The following ATP6V1C1 variants were observed in gnomAD, a reference collection of about 807,000 sequenced individuals.
ATP6V1C1 encodes V-type proton ATPase subunit C 1.
Under a neutral mutation model 53.9 loss-of-function variants are expected in ATP6V1C1, and 45 were observed. The observed-to-expected ratio is 0.83, with a 90% CI of 0.66 to 1.07. The LOEUF is 1.07. ATP6V1C1 is among the 50% of genes least tolerant of loss of function. The probability of loss-of-function intolerance (pLI) is 0.00; values close to 1 mark genes in which losing one functional copy is unlikely to be tolerated. For missense variants in ATP6V1C1, 315 were observed against 440.3 expected, an observed-to-expected ratio of 0.72 and a Z score of 2.55; for synonymous variants, 153 against 155.2, an observed-to-expected ratio of 0.99 and a Z score of 0.11.
intron 2 of ATP6V1C1, 83 bp downstream of exon 2, chr8:103,041,051 C>T (rs1294713425): frequency 2.8e-6 from 4 of 1,419,482 alleles, no homozygotes; most frequent in Admixed American, 4.9e-5. Context: ...AATGAGATAC[C>T]CAGGTTCCTT....
chr8:103,050,985 G>C, intron 4 of ATP6V1C1, 65 bp from the exon 5 acceptor site: 1 of 1,070,412 alleles, frequency 9.3e-7, no homozygotes, highest in Non-Finnish European at 1.4e-6. Flanking sequence ...AAAATATATC[G>C]CTGTGTAAAA....
Position 103,072,428 on chromosome 8 carries a change from C to T in ATP6V1C1, c.*3681C>T, listed in dbSNP as rs556955719. 5.3e-5 allele frequency: 8 copies of T among 152,232 alleles called. No homozygotes were observed. The East Asian group carries it at 1.5e-3, about 29-fold the overall frequency. 9.4% of individuals were successfully genotyped at this position (152,232 alleles called of 1,614,324 possible). A position where few individuals can be genotyped will look rare whatever the true frequency, so the allele number is the denominator to read the frequency against. Reference sequence around the variant, plus strand: ...GAACAGCTTATAATGAAAACCTTGCCTGCCTTTATAAAAAATGTGATTATC... The same window carrying T: ...GAACAGCTTATAATGAAAACCTTGCTTGCCTTTATAAAAAATGTGATTATC... On this transcript the variant is annotated 3_prime_UTR_variant, in exon 13 of 13. Transcript: ENST00000518738.
chr8:103,057,924 A>T (rs1817318717), intron 8 of ATP6V1C1, among the ~76,000 whole-genome samples: 1 of 152,060 alleles, frequency 6.6e-6, no homozygotes, highest in Admixed American at 6.6e-5. Context: ...TTGATGGCTC[A>T]CTTAGGCTGT....
rs569863481 is a variant in ATP6V1C1 at position 103,059,664 on chromosome 8, CT to C, written c.642-3290del. 3.3e-5 allele frequency among the ~76,000 whole-genome samples: 5 copies of C among 152,172 alleles called. No homozygotes were observed. In the South Asian group the frequency reaches 1.0e-3, roughly 32 times the overall value. ...ACAATTTCATAGGGTTAAATCTACTCTCCCCACTCCCCCAAGACCCACTGCC... is the reference window on the plus strand; with the variant it reads ...ACAATTTCATAGGGTTAAATCTACTCCCCCACTCCCCCAAGACCCACTGCC... On this transcript the variant is annotated intron_variant, in intron 8 of 12. Transcript: ENST00000518738.
At chr8:103,047,067 T>G (rs2131392741) in intron 3 of ATP6V1C1, among the ~76,000 whole-genome samples, 1 of 152,276 alleles carries the variant, frequency 6.6e-6, no homozygotes, top group Non-Finnish European at 1.5e-5. Flanking sequence ...AAGGAATGGG[T>G]GAATTTTGGA....
chr8:103,035,265 C>T (rs1358635104), intron 1 of ATP6V1C1, among the ~76,000 whole-genome samples: 3 of 140,284 alleles, frequency 2.1e-5, no homozygotes, highest in African/African-American at 7.4e-5. Flanking sequence ...TTTTAAAAAA[C>T]ATGATTTTTT....
At position 103,071,296 on chromosome 8, in the gene ATP6V1C1, T is replaced by C. The variant is rs999002382; in HGVS notation, c.*2549T>C. 4.6e-5 allele frequency: 7 copies of C among 152,192 alleles called. No individual in the cohort carries two copies. Among genetic ancestry groups the C allele is most frequent in the African/African-American group, 1.7e-4 (7 of 41,436 alleles). The allele number at this position is 152,192 out of a possible 1,614,324, so 9.4% of individuals were successfully genotyped here. A position where few individuals can be genotyped will look rare whatever the true frequency, so the allele number is the denominator to read the frequency against. ...TTACTGAGTGTCTGTCAGGGATCAT[T>C]CACATCCACATCATCCTCCCGGCCC... is the stretch of plus-strand genomic sequence containing the variant. On this transcript the variant is annotated 3_prime_UTR_variant, in exon 13 of 13. Coordinates refer to ENST00000518738, the MANE Select transcript of ATP6V1C1 (RefSeq NM_001695.5).
intron 2 of ATP6V1C1, 151 bp from the exon 3 acceptor site, chr8:103,042,189 G>C (rs1335572129): frequency 1.3e-6 from 1 of 741,032 alleles, no homozygotes; most frequent in Non-Finnish European, 2.2e-6. Context: ...GCTTTGAAAT[G>C]TCTGGCAAAC....
rs764799093 is a variant in ATP6V1C1, at chr8:103,068,765, G to A, written c.*18G>A. On this transcript the variant is annotated 3_prime_UTR_variant, in exon 13 of 13. Coordinates refer to ENST00000518738, the MANE Select transcript of ATP6V1C1 (RefSeq NM_001695.5). ...TCAAGTGAAAATGGGCTCCTCCCCC[G>A]ACAATCCTGTCCTTGTGTTTGTGTG... 6.3e-6 allele frequency: 10 copies of A among 1,589,572 alleles called. No individual in the cohort carries two copies. The highest frequency in any genetic ancestry group is 2.2e-5 in the East Asian group (1 of 44,474).
chr8:103,064,108 A>C (rs1036413797), intron 10 of ATP6V1C1, among the ~76,000 whole-genome samples: 1 of 152,290 alleles, frequency 6.6e-6, no homozygotes, highest in Middle Eastern at 3.4e-3. Context: ...TGTTAGCTGA[A>C]TCTTTTAAGT....
At chr8:103,021,966 C>T (rs1335551487) in intron 1 of ATP6V1C1, among the ~76,000 whole-genome samples, 2 of 152,122 alleles carry the variant, frequency 1.3e-5, no homozygotes, top group Non-Finnish European at 2.9e-5. Context: ...CAGTGCGAGC[C>T]CAGTACTTAG....
rs1364978743 is a variant in ATP6V1C1 at position 103,072,104 on chromosome 8, C to T, written c.*3357C>T. On this transcript the variant is annotated 3_prime_UTR_variant, in exon 13 of 13. Transcript: ENST00000518738. ...GCAGAAAATCTTTGTGGAACACATT[C>T]CACACTTTGAAATCTTCGTGGAACA... 6.6e-6 allele frequency: 1 copy of T among 152,232 alleles called. No individual in the cohort carries two copies. 9.4% of individuals were successfully genotyped at this position (152,232 alleles called of 1,614,324 possible). A position where few individuals can be genotyped will look rare whatever the true frequency, so the allele number is the denominator to read the frequency against.
At chr8:103,058,162 A>G (rs1282928736) in intron 8 of ATP6V1C1, among the ~76,000 whole-genome samples, 1 of 152,222 alleles carries the variant, frequency 6.6e-6, no homozygotes, top group East Asian at 1.9e-4. Flanking sequence ...AGATCTTTGG[A>G]CAGTCACTTT....
At chr8:103,044,266 G>A (rs1817055894) in intron 3 of ATP6V1C1, among the ~76,000 whole-genome samples, 1 of 152,086 alleles carries the variant, frequency 6.6e-6, no homozygotes, top group South Asian at 2.1e-4. Context: ...TTCTTTTGTT[G>A]CTTGTGTTTT....
intron 1 of ATP6V1C1, among the ~76,000 whole-genome samples, chr8:103,027,966 G>A (rs1816727807): frequency 6.6e-6 from 1 of 152,092 alleles, no homozygotes; most frequent in Non-Finnish European, 1.5e-5. Context: ...GTCTATTACA[G>A]TTTTGGGAAC....
At chr8:103,058,561 T>C (rs1278439845) in intron 8 of ATP6V1C1, among the ~76,000 whole-genome samples, 2 of 152,230 alleles carry the variant, frequency 1.3e-5, no homozygotes, top group African/African-American at 2.4e-5. Flanking sequence ...GAGCTAGTCT[T>C]TGTTCTATGT....
At chr8:103,045,403 A>C (rs1188428480) in intron 3 of ATP6V1C1, among the ~76,000 whole-genome samples, 1 of 152,224 alleles carries the variant, frequency 6.6e-6, no homozygotes, top group Non-Finnish European at 1.5e-5. Context: ...AAGGCCACTT[A>C]GCAGTTTCAC....
chr8:103,024,246 C>T (rs1017921116), intron 1 of ATP6V1C1, among the ~76,000 whole-genome samples: 1 of 152,146 alleles, frequency 6.6e-6, no homozygotes, highest in Non-Finnish European at 1.5e-5. Context: ...TAACTAAATG[C>T]TGAGAGCTAG....
At chr8:103,041,068 A>AATAAGCAGTGTTAGCAG in intron 2 of ATP6V1C1, 100 bp downstream of exon 2, 1 of 1,314,900 alleles carries the variant, frequency 7.6e-7, no homozygotes, top group South Asian at 1.9e-5. Flanking sequence ...CCTTCCAAAG[A>AATAAGCAGTGTTAGCAG]AAACCTCCTC....
Sources: allele counts gnomAD v4.1 joint callset (sites outside exome capture counted in the v4.1 genomes callset), GRCh38; gene constraint gnomAD v4.1.1; transcripts MANE v1.5; gene names NCBI Gene and HGNC (gene_info 2026-07-23, HGNC 2026-07-21).